The following TMX4 variants were observed in gnomAD, a reference collection of about 807,000 sequenced individuals.
TMX4 encodes thioredoxin related transmembrane protein 4, also known as thioredoxin-related transmembrane protein 4.
TMX4 carries 23 observed loss-of-function variants against 33.3 expected under a neutral mutation model. That is an observed-to-expected ratio of 0.69 (90% CI 0.50 to 0.98). The LOEUF is 0.98. TMX4 is among the 50% of genes least tolerant of loss of function. The pLI is 0.00. For synonymous variants in TMX4, 164 were observed against 161.5 expected, an observed-to-expected ratio of 1.02 and a Z score of -0.12; for missense variants, 399 against 448.9, an observed-to-expected ratio of 0.89 and a Z score of 1.01.
At position 7,987,274 on chromosome 20, in the gene TMX4, G is replaced by T. The variant is rs201506612; in HGVS notation, c.615+14C>A. The T allele has an allele frequency of 6.6e-7, 1 of 1,511,416 alleles. No homozygotes were observed. Among genetic ancestry groups the T allele is most frequent in the Admixed American group, 2.3e-5 (1 of 44,018 alleles). The allele number at this position is 1,511,416 out of a possible 1,614,324, so 93.6% of individuals were successfully genotyped here. A position where few individuals can be genotyped will look rare whatever the true frequency, so the allele number is the denominator to read the frequency against. ...TTGCCTTAAAGATAGAAAAAGTTTG[G>T]TATTATCTCTTACCAGACCCATAAA... On this transcript the variant is annotated intron_variant, in intron 6 of 7. Transcript: ENST00000246024.
intron 4 of TMX4, among the ~76,000 whole-genome samples, chr20:7,997,044 C>G (rs557499375): frequency 9.2e-5 from 14 of 152,148 alleles, no homozygotes; most frequent in African/African-American, 3.1e-4. Context: ...CAAGAGACTA[C>G]GCCCTTCTTC....
intron 2 of TMX4, among the ~76,000 whole-genome samples, chr20:8,006,161 G>GC (rs2050729336): frequency 6.6e-6 from 1 of 151,976 alleles, no homozygotes; most frequent in Admixed American, 6.5e-5. Context: ...CCGTCTGCAT[G>GC]TCCCCCTAGA....
At chr20:8,005,637 C>T (rs1197645253) in intron 2 of TMX4, among the ~76,000 whole-genome samples, 1 of 152,192 alleles carries the variant, frequency 6.6e-6, no homozygotes, top group African/African-American at 2.4e-5. Context: ...GAGTCTCTAG[C>T]AGGCACACAA....
chr20:7,999,612 G>C, intron 4 of TMX4, 120 bp downstream of exon 4: 1 of 1,139,644 alleles, frequency 8.8e-7, no homozygotes, highest in East Asian at 2.6e-5. Flanking sequence ...ATGGCCATGA[G>C]TAATCTGGGT....
At chr20:8,009,297 A>C (rs2050742813) in intron 2 of TMX4, among the ~76,000 whole-genome samples, 1 of 152,144 alleles carries the variant, frequency 6.6e-6, no homozygotes, top group African/African-American at 2.4e-5. Flanking sequence ...TGGGGTAAAA[A>C]TGATTCATTC....
In TMX4 at chr20:8,018,514, G is replaced by GCA. The variant is rs1568541313; in HGVS notation, c.176+923_176+924insTG. Among the ~76,000 whole-genome samples the GCA allele has an allele frequency of 1.7e-3, 77 of 45,748 alleles. 18 individuals carry two copies. The African/African-American group carries it at 0.021, about 13-fold the overall frequency. 30.0% of individuals were successfully genotyped at this position (45,748 alleles called of 152,430 possible). On this transcript the variant is annotated intron_variant, in intron 1 of 7. Transcript: ENST00000246024. ...AGAGAGAGAGAGAGAGAGAGAGAGA[G>GCA]AGAGAGAGAGAGAGTCTGCAAGCCC...
intron 1 of TMX4, chr20:8,019,083 T>C: frequency 2.1e-6 from 1 of 476,536 alleles, no homozygotes; most frequent in East Asian, 6.9e-5. Context: ...CCTTCCCTTC[T>C]CCTCCCTATG....
At chr20:7,992,443 T>G (rs541660081) in intron 5 of TMX4, among the ~76,000 whole-genome samples, 2 of 152,330 alleles carry the variant, frequency 1.3e-5, no homozygotes, top group East Asian at 3.9e-4. Context: ...CTGGAGATCA[T>G]CTACTCTTGT....
chr20:8,009,861 T>TAAAAA (rs11289988), intron 2 of TMX4, among the ~76,000 whole-genome samples: 2 of 84,600 alleles, frequency 2.4e-5, no homozygotes, highest in African/African-American at 3.4e-5. Flanking sequence ...CAAAAAACTG[T>TAAAAA]AAAAAAAAAA....
chr20:8,001,527 A>G lies in TMX4; in HGVS notation c.307T>C (p.Phe103Leu), dbSNP rs1385326416. Residue 103 changes from phenylalanine to leucine, a missense_variant, in exon 3 of 8, where the codon TTC (phenylalanine) becomes CTC (leucine). Phe to Leu is a conservative substitution (Grantham distance 22). Transcript: ENST00000246024. ...AATGCTGGGAGAGTGGTGACAAAGA[A>G]GCGGCCACTCAAACCTACAAGAAGC... ...VIQEPGLSGR[F>L]FVTTLPAFFH... 1.9e-6 allele frequency: 3 copies of G among 1,600,674 alleles called. No homozygotes were observed. The African/African-American group carries it at 4.0e-5, about 21-fold the overall frequency.
At chr20:8,018,481 GGA>G (rs1156723197) in intron 1 of TMX4, among the ~76,000 whole-genome samples, 70 of 13,716 alleles carry the variant, frequency 5.1e-3, no homozygotes, top group Non-Finnish European at 6.9e-3. Flanking sequence ...GGAGGGAGGG[GGA>G]GAGAGAGAGA....
chr20:7,987,221 T>G, intron 6 of TMX4, 67 bp downstream of exon 6: 1 of 1,100,678 alleles, frequency 9.1e-7, no homozygotes, highest in Non-Finnish European at 1.3e-6. Context: ...CTTTCTTGGC[T>G]GCCTTTTATT....
intron 2 of TMX4, among the ~76,000 whole-genome samples, chr20:8,005,078 A>G (rs2050723121): frequency 6.6e-6 from 1 of 152,230 alleles, no homozygotes; most frequent in African/African-American, 2.4e-5. Context: ...AATTTAAAAT[A>G]TAACACTAAA....
intron 2 of TMX4, among the ~76,000 whole-genome samples, chr20:8,005,272 A>G (rs907933369): frequency 6.6e-6 from 1 of 152,206 alleles, no homozygotes; most frequent in East Asian, 1.9e-4. Flanking sequence ...AGAAGGTTCA[A>G]GTATATACTC....
chr20:8,008,908 G>C (rs1305057882), intron 2 of TMX4, among the ~76,000 whole-genome samples: 1 of 152,126 alleles, frequency 6.6e-6, no homozygotes, highest in Non-Finnish European at 1.5e-5. Flanking sequence ...GCTTTTAATA[G>C]AAATCTCGCT....
In TMX4 at chr20:7,979,784, A is replaced by ATC. The variant is rs1212821757; in HGVS notation, c.*2466_*2467insGA. ...TACATTTTTCTTATTATATAATTAG[A>ATC]TATAGGTCAAATATCCCTTATCCAA... On this transcript the variant is annotated 3_prime_UTR_variant, in exon 8 of 8. Coordinates refer to ENST00000246024, the MANE Select transcript of TMX4 (RefSeq NM_021156.4). 4 of 152,036 alleles carry ATC rather than the reference A, an allele frequency of 2.6e-5. No individual in the cohort carries two copies. Among genetic ancestry groups the ATC allele is most frequent in the African/African-American group, 9.7e-5 (4 of 41,394 alleles). The allele number at this position is 152,036 out of a possible 1,614,324, so 9.4% of individuals were successfully genotyped here.
Position 8,019,581 on chromosome 20 carries a change from C to T in TMX4, c.33G>A (p.Thr11=), listed in dbSNP as rs765451645. 192 of 1,380,832 alleles carry T rather than the reference C, an allele frequency of 1.4e-4. No homozygotes were observed. The highest frequency in any genetic ancestry group is 1.7e-4 in the Non-Finnish European group (187 of 1,070,412). The allele number at this position is 1,380,832 out of a possible 1,614,324, so 85.5% of individuals were successfully genotyped here. The part of the protein sequence containing the change: MAGGRCGPQL[T]ALLAAWIAAV... ...CCGCGATCCAGGCGGCCAGGAGCGC[C>T]GTTAGCTGCGGGCCGCAGCGCCCAC... is the stretch of plus-strand genomic sequence containing the variant. The change falls in exon 1 of 8, where the codon ACG becomes ACA. Residue 11 remains threonine (T), a synonymous_variant. Coordinates refer to ENST00000246024, the MANE Select transcript of TMX4 (RefSeq NM_021156.4).
intron 1 of TMX4, among the ~76,000 whole-genome samples, chr20:8,014,203 G>T: frequency 6.6e-6 from 1 of 152,160 alleles, no homozygotes; most frequent in East Asian, 1.9e-4. Context: ...AGAGAAAGTG[G>T]AATTCATGAC....
rs2050609261 is a variant in TMX4 at position 7,982,233 on chromosome 20, G to GA, written c.*17dup. 1 of 1,604,728 alleles carries GA rather than the reference G, an allele frequency of 6.2e-7. No individual in the cohort carries two copies. The highest frequency in any genetic ancestry group is 8.5e-7 in the Non-Finnish European group (1 of 1,174,932). ...ACATATTGTTTTGGTGTGTATTCTT[G>GA]AAAACGCATCATTAAATCTACAGTC... On this transcript the variant is annotated 3_prime_UTR_variant, in exon 8 of 8. Coordinates refer to ENST00000246024, the MANE Select transcript of TMX4 (RefSeq NM_021156.4).
Sources: gnomAD v4.1 joint callset for allele counts (sites outside exome capture counted in the v4.1 genomes callset) on GRCh38, gnomAD v4.1.1 for gene constraint, MANE v1.5 for transcripts, NCBI Gene and HGNC (gene_info 2026-07-23, HGNC 2026-07-21) for gene names.